Variants in FMN1 observed in about 807,000 individuals in gnomAD.
FMN1 encodes the protein formin-1.
In FMN1, 110 loss-of-function variants were observed where a neutral mutation model predicts 132.4. The ratio of observed to expected loss-of-function variants is 0.83; its 90% CI spans 0.71 to 0.97. FMN1 has a LOEUF of 0.97. Among genes scored for constraint, FMN1 ranks in the 50% least tolerant of loss-of-function variants. FMN1 has a pLI of 0.00. For missense variants in FMN1, 1,792 were observed against 1,705.3 expected (o/e 1.05, Z -0.90); for synonymous variants, 722 against 651.7 (o/e 1.11, Z -1.64).
chr15:32,974,667 C>T (rs1396087429), intron 7 of FMN1, among the ~76,000 whole-genome samples: 3 of 152,180 alleles, frequency 2.0e-5, no homozygotes, highest in African/African-American at 7.2e-5. Flanking sequence ...GTCTTTAAAG[C>T]ACTGCAAGAG....
chr15:33,137,459 C>A (rs1460397989), intron 4 of FMN1, among the ~76,000 whole-genome samples: 1 of 152,164 alleles, frequency 6.6e-6, no homozygotes, highest in Non-Finnish European at 1.5e-5. Context: ...AAAAGGAAAT[C>A]TGTATGATTC....
Position 32,898,848 on chromosome 15 carries a change from G to T in FMN1, c.3700C>A (p.Arg1234Ser). 1 of 1,596,282 alleles carries T rather than the reference G, an allele frequency of 6.3e-7. No homozygotes were observed. Among genetic ancestry groups the T allele is most frequent in the Non-Finnish European group, 8.6e-7 (1 of 1,165,062 alleles). Reference protein sequence around the residue: ...LVDYVVKYYLRYYDQEAGTEK... With the variant: ...LVDYVVKYYLSYYDQEAGTEK... ...CCATTTCTTACCTGATCATAGTAAC[G>T]CAGGTAATACTTAACAACGTAGTCC... The change falls in exon 15 of 21, where the codon CGT (arginine) becomes AGT (serine). Residue 1234 changes from arginine (R) to serine (S), a missense_variant. By Grantham distance (110) the Arg-to-Ser change is moderately radical (BLOSUM62 -1). Coordinates refer to ENST00000616417, the MANE Select transcript of FMN1 (RefSeq NM_001277313.2).
chr15:32,950,006 T>C (rs1297757550), intron 9 of FMN1, among the ~76,000 whole-genome samples: 1 of 19,162 alleles, frequency 5.2e-5, no homozygotes, highest in African/African-American at 2.8e-4. Flanking sequence ...CACATACACA[T>C]ATATATATAC....
At chr15:32,925,993 T>C (rs1202016758) in intron 10 of FMN1, among the ~76,000 whole-genome samples, 181 bp downstream of exon 10, 1 of 152,174 alleles carries the variant, frequency 6.6e-6, no homozygotes, top group Non-Finnish European at 1.5e-5. Flanking sequence ...CTTCATAACC[T>C]ACTTGGTGAG....
intron 5 of FMN1, among the ~76,000 whole-genome samples, chr15:33,069,253 CCT>C (rs2037890249): frequency 6.6e-6 from 1 of 152,128 alleles, no homozygotes; most frequent in South Asian, 2.1e-4. Flanking sequence ...AAATTGCAGC[CCT>C]GTTTCCTAGC....
intron 6 of FMN1, among the ~76,000 whole-genome samples, chr15:33,032,353 G>A (rs1160676120): frequency 2.0e-5 from 3 of 152,128 alleles, no homozygotes; most frequent in Non-Finnish European, 2.9e-5. Context: ...TATTTCAATA[G>A]CAAAAATAAA....
At position 32,846,573 on chromosome 15, in the gene FMN1, A is replaced by T. The variant is rs557415171; in HGVS notation, c.3928+10442T>A. On this transcript the variant is annotated intron_variant, in intron 17 of 20. Transcript: ENST00000616417. ...AGTCAAGAAACAATAGATGCTGGTGAGGCTGCAGAGAAACAGGAATGCTTT... is the reference window on the plus strand; with the variant it reads ...AGTCAAGAAACAATAGATGCTGGTGTGGCTGCAGAGAAACAGGAATGCTTT... 2.0e-5 allele frequency among the ~76,000 whole-genome samples: 3 copies of T among 152,384 alleles called. No individual in the cohort carries two copies. In the South Asian group the frequency reaches 6.2e-4, roughly 32 times the overall value.
In FMN1 at chr15:33,153,269, G is replaced by C; in HGVS notation, c.1646C>G (p.Ala549Gly). 1.3e-6 allele frequency: 2 copies of C among 1,536,174 alleles called. No homozygotes were observed. The highest frequency in any genetic ancestry group is 1.7e-6 in the Non-Finnish European group (2 of 1,146,922). ...TCTACAAGGAGAGTCATTAAGAGCA[G>C]CTTCCCTCTCACCAGGCAATGCAGG... is the stretch of plus-strand genomic sequence containing the variant. ...RLPALPGERE[A>G]ALNDSPCRKS... The change falls in exon 4 of 21, where the codon GCT (alanine) becomes GGT (glycine). Residue 549 changes from alanine to glycine, a missense_variant. Physicochemically the swap from Ala to Gly is moderately conservative, Grantham distance 60 (BLOSUM62 0). This residue lies in a region of FMN1 where 1,150 missense variants were observed against 1,043.1 expected (regional missense o/e 1.10). Transcript: ENST00000616417.
rs1189934574 is a variant in FMN1 at position 32,773,272 on chromosome 15, T to C, written c.*1038A>G. The C allele has an allele frequency of 2.0e-5, 3 of 152,170 alleles. No individual in the cohort carries two copies. Among genetic ancestry groups the C allele is most frequent in the African/African-American group, 7.2e-5 (3 of 41,436 alleles). The allele number at this position is 152,170 out of a possible 1,614,324, so 9.4% of individuals were successfully genotyped here. ...TTTTTTTGACATTAAAGAGTCCTGCTTCATCCTACTTCACATGCCTATCAG... is the reference window on the plus strand; with the variant it reads ...TTTTTTTGACATTAAAGAGTCCTGCCTCATCCTACTTCACATGCCTATCAG... On this transcript the variant is annotated 3_prime_UTR_variant, in exon 21 of 21. Transcript: ENST00000616417.
chr15:32,859,601 C>A (rs1438943358), intron 16 of FMN1, among the ~76,000 whole-genome samples: 1 of 152,190 alleles, frequency 6.6e-6, no homozygotes, highest in African/African-American at 2.4e-5. Flanking sequence ...ATATCTATCA[C>A]CGTCTGCACA....
chr15:32,941,722 C>T (rs1419353126), intron 9 of FMN1, among the ~76,000 whole-genome samples: 1 of 152,144 alleles, frequency 6.6e-6, no homozygotes, highest in African/African-American at 2.4e-5. Flanking sequence ...ATTCCTCATG[C>T]TCCCATTTTG....
At chr15:33,113,097 C>G (rs991150529) in intron 4 of FMN1, among the ~76,000 whole-genome samples, 2 of 152,234 alleles carry the variant, frequency 1.3e-5, no homozygotes, top group African/African-American at 4.8e-5. Context: ...ACCCCCAAGG[C>G]ATATCTACCT....
At chr15:33,095,052 G>C (rs1334526847) in intron 4 of FMN1, among the ~76,000 whole-genome samples, 1 of 152,132 alleles carries the variant, frequency 6.6e-6, no homozygotes, top group Non-Finnish European at 1.5e-5. Context: ...AGTATGTTTG[G>C]TTATAAAGAA....
rs576352916 is a variant in FMN1 at position 33,140,378 on chromosome 15, AAAC to A, written c.1867+12667_1867+12669del. Among the ~76,000 whole-genome samples, 342 of 152,318 alleles carry A rather than the reference AAAC, an allele frequency of 2.2e-3. 1 individual carries two copies. The highest frequency in any genetic ancestry group is 7.6e-3 in the African/African-American group (316 of 41,564). ...AATTTTAGTGGTACATCAAAAAAGA[AAAC>A]AAAGCAACCATTACAGAGCATCTGA... is the stretch of plus-strand genomic sequence containing the variant. On this transcript the variant is annotated intron_variant, in intron 4 of 20. Coordinates refer to ENST00000616417, the MANE Select transcript of FMN1 (RefSeq NM_001277313.2).
intron 10 of FMN1, among the ~76,000 whole-genome samples, chr15:32,922,075 T>C (rs1444201119): frequency 6.6e-6 from 1 of 152,244 alleles, no homozygotes; most frequent in Non-Finnish European, 1.5e-5. Context: ...AAGATACTGC[T>C]CTGTTATTTC....
intron 7 of FMN1, among the ~76,000 whole-genome samples, chr15:32,976,657 G>GCA (rs1391805012): frequency 6.6e-6 from 1 of 152,138 alleles, no homozygotes; most frequent in Non-Finnish European, 1.5e-5. Flanking sequence ...GAAACATGAG[G>GCA]CACATTTGAC....
At chr15:32,942,473 A>G (rs1348970635) in intron 9 of FMN1, among the ~76,000 whole-genome samples, 2 of 152,206 alleles carry the variant, frequency 1.3e-5, no homozygotes, top group African/African-American at 2.4e-5. Context: ...CAGGGCCAAA[A>G]ATAAAAATAA....
chr15:32,893,978 G>T lies in FMN1; in HGVS notation c.3714+4856C>A, dbSNP rs991564579. 2.0e-5 allele frequency among the ~76,000 whole-genome samples: 3 copies of T among 152,262 alleles called. 1 individual carries two copies. The highest frequency in any genetic ancestry group is 4.4e-5 in the Non-Finnish European group (3 of 67,994). On this transcript the variant is annotated intron_variant, in intron 15 of 20. Transcript: ENST00000616417. ...TCAGGATAATTCTTCTGCCACACTA[G>T]TACCTGCTGTCAAAACCTAGGGTAT...
rs1567449182 is a variant in FMN1, at chr15:32,949,998, C to CACATATATAT, written c.3138+14108_3138+14109insATATATATGT. 6.1e-4 allele frequency among the ~76,000 whole-genome samples: 4 copies of CACATATATAT among 6,536 alleles called. 1 individual carries two copies. Among genetic ancestry groups the CACATATATAT allele is most frequent in the African/African-American group, 1.9e-3 (4 of 2,158 alleles). 4.3% of individuals were successfully genotyped at this position (6,536 alleles called of 152,430 possible). On this transcript the variant is annotated intron_variant, in intron 9 of 20. Coordinates refer to ENST00000616417, the MANE Select transcript of FMN1 (RefSeq NM_001277313.2). ...ATATATACACACACATATATATACA[C>CACATATATAT]ATACACATATATATATACACATATA...
Sources: allele counts gnomAD v4.1 joint callset (sites outside exome capture counted in the v4.1 genomes callset), GRCh38; gene constraint gnomAD v4.1.1; regional missense constraint gnomAD v4.1.1; transcripts MANE v1.5; gene names NCBI Gene and HGNC (gene_info 2026-07-23, HGNC 2026-07-21).